The following CACNA2D3 variants were observed in gnomAD, a reference collection of about 807,000 sequenced individuals.
CACNA2D3 encodes the protein voltage-dependent calcium channel subunit alpha-2/delta-3.
Under a neutral mutation model 160.6 loss-of-function variants are expected in CACNA2D3, and 60 were observed. The ratio of observed to expected loss-of-function variants is 0.37; its 90% CI spans 0.30 to 0.46. CACNA2D3 has a LOEUF of 0.46. Ranked by LOEUF, CACNA2D3 falls within the 20% of genes least tolerant of loss-of-function variation. The pLI, the probability that CACNA2D3 is intolerant of heterozygous loss-of-function variation, is 1.00. For synonymous variants in CACNA2D3, 558 were observed against 492.9 expected (o/e 1.13, Z -1.75); for missense variants, 1,205 against 1,365.0 (o/e 0.88, Z 1.85).
intron 11 of CACNA2D3, among the ~76,000 whole-genome samples, chr3:54,734,183 G>A (rs1221210708): frequency 6.6e-6 from 1 of 152,184 alleles, no homozygotes; most frequent in Non-Finnish European, 1.5e-5. Context: ...GCATTGTGTT[G>A]AGTAAAGTCT....
chr3:55,033,584 G>GTATA (rs36230201), intron 35 of CACNA2D3, among the ~76,000 whole-genome samples: 70 of 112,798 alleles, frequency 6.2e-4, no homozygotes, highest in East Asian at 2.2e-3. Context: ...ATGTGTGTGT[G>GTATA]TATATATATA....
chr3:54,922,145 T>C (rs1208083573), intron 27 of CACNA2D3, among the ~76,000 whole-genome samples: 1 of 152,116 alleles, frequency 6.6e-6, no homozygotes, highest in Admixed American at 6.5e-5. Context: ...TCACAGAATC[T>C]GAGGACTGGA....
intron 2 of CACNA2D3, among the ~76,000 whole-genome samples, chr3:54,204,422 C>A (rs1336137231): frequency 6.6e-6 from 1 of 151,984 alleles, no homozygotes; most frequent in Non-Finnish European, 1.5e-5. Flanking sequence ...GCACAAACAT[C>A]AAGGATAACC....
At chr3:54,656,123 T>A (rs1214756809) in intron 11 of CACNA2D3, among the ~76,000 whole-genome samples, 1 of 152,176 alleles carries the variant, frequency 6.6e-6, no homozygotes, top group Non-Finnish European at 1.5e-5. Context: ...TGGACCAGGA[T>A]CAGCAGGTGC....
chr3:54,736,022 T>C (rs5027559), intron 11 of CACNA2D3, among the ~76,000 whole-genome samples: 876 of 80,928 alleles, frequency 0.011, 18 homozygotes, highest in Non-Finnish European at 0.015. Context: ...TATATACACA[T>C]ACATATATAT....
chr3:54,943,609 T>G (rs1002436095), intron 27 of CACNA2D3, among the ~76,000 whole-genome samples: 1 of 152,222 alleles, frequency 6.6e-6, no homozygotes, highest in Non-Finnish European at 1.5e-5. Context: ...TCCCCTGGTC[T>G]TCTTATTGCT....
intron 2 of CACNA2D3, among the ~76,000 whole-genome samples, chr3:54,251,210 G>A (rs1303688744): frequency 6.6e-6 from 1 of 152,134 alleles, no homozygotes; most frequent in Non-Finnish European, 1.5e-5. Flanking sequence ...GGGATGGGGT[G>A]ATATTGGGGT....
chr3:54,763,324 G>C (rs896829279), intron 12 of CACNA2D3, among the ~76,000 whole-genome samples: 6 of 151,952 alleles, frequency 3.9e-5, no homozygotes, highest in Non-Finnish European at 8.8e-5. Context: ...ATCTGCATCG[G>C]TCATCTTATC....
At chr3:54,418,738 A>G (rs116424574) in intron 4 of CACNA2D3, among the ~76,000 whole-genome samples, 3,237 of 152,260 alleles carry the variant, frequency 0.021, 108 homozygotes, top group African/African-American at 0.074. Context: ...CCCTCCCTAC[A>G]GGGTGTCAGG....
At chr3:54,674,146 CT>C (rs2106902844) in intron 11 of CACNA2D3, among the ~76,000 whole-genome samples, 1 of 152,326 alleles carries the variant, frequency 6.6e-6, no homozygotes, top group South Asian at 2.1e-4. Flanking sequence ...AGTAATAACA[CT>C]CTAGAATAAC....
chr3:54,795,916 T>C (rs1702857527), intron 13 of CACNA2D3, among the ~76,000 whole-genome samples: 1 of 152,182 alleles, frequency 6.6e-6, no homozygotes, highest in Non-Finnish European at 1.5e-5. Context: ...TTCAAAATCA[T>C]AGGAACATGT....
chr3:54,842,269 G>A (rs1388987664), intron 16 of CACNA2D3, among the ~76,000 whole-genome samples: 1 of 152,180 alleles, frequency 6.6e-6, no homozygotes, highest in Admixed American at 6.5e-5. Context: ...CTGAATATCA[G>A]GAAGACTTTC....
intron 4 of CACNA2D3, among the ~76,000 whole-genome samples, chr3:54,475,774 C>G (rs1700817765): frequency 7.4e-6 from 1 of 135,716 alleles, no homozygotes. Context: ...ATATACATTA[C>G]AAATAACATA....
At chr3:54,969,973 A>C in intron 29 of CACNA2D3, 129 bp downstream of exon 29, 2 of 621,024 alleles carry the variant, frequency 3.2e-6, no homozygotes, top group Non-Finnish European at 5.3e-6. Context: ...TCTAAAAAAA[A>C]AAAAATCATT....
At chr3:54,280,386 G>A (rs931865874) in intron 2 of CACNA2D3, among the ~76,000 whole-genome samples, 16 of 152,060 alleles carry the variant, frequency 1.1e-4, no homozygotes, top group South Asian at 2.1e-4. Context: ...TGGCCTGTTC[G>A]TTCATTTAAT....
intron 2 of CACNA2D3, among the ~76,000 whole-genome samples, chr3:54,319,328 C>T (rs1203997493): frequency 2.6e-5 from 4 of 152,124 alleles, no homozygotes; most frequent in Non-Finnish European, 5.9e-5. Flanking sequence ...AAATGTAATA[C>T]ATTTTCCTTT....
At chr3:54,382,424 A>G (rs1699118516) in intron 3 of CACNA2D3, among the ~76,000 whole-genome samples, 1 of 152,226 alleles carries the variant, frequency 6.6e-6, no homozygotes, top group African/African-American at 2.4e-5. Flanking sequence ...GGCAAGCATC[A>G]GAATTTGAAG....
At chr3:54,552,851 A>G (rs1414385443) in intron 5 of CACNA2D3, among the ~76,000 whole-genome samples, 2 of 152,236 alleles carry the variant, frequency 1.3e-5, no homozygotes, top group East Asian at 3.8e-4. Flanking sequence ...AGACTATTTA[A>G]AATTGATATA....
At chr3:54,291,512 G>T (rs1010152247) in intron 2 of CACNA2D3, among the ~76,000 whole-genome samples, 2 of 152,072 alleles carry the variant, frequency 1.3e-5, no homozygotes, top group African/African-American at 4.8e-5. Flanking sequence ...TTGATGTTTG[G>T]TGGTAACTGA....
Sources: allele counts gnomAD v4.1 joint callset (sites outside exome capture counted in the v4.1 genomes callset), GRCh38; gene constraint gnomAD v4.1.1; transcripts MANE v1.5; gene names NCBI Gene and HGNC (gene_info 2026-07-23, HGNC 2026-07-21).